The following TMEM135 variants were observed in gnomAD, a reference collection of about 807,000 sequenced individuals.
The protein encoded by TMEM135 is peroxisomal membrane protein 52.
In TMEM135, 30 loss-of-function variants were observed where a neutral mutation model predicts 60.3. The observed-to-expected ratio is 0.50, with a 90% confidence interval of 0.37 to 0.68. The LOEUF (loss-of-function observed/expected upper bound fraction) is 0.68. Ranked by LOEUF, TMEM135 falls within the 30% of genes least tolerant of loss-of-function variation. The pLI is 0.00. For missense variants in TMEM135, 468 were observed against 548.8 expected, an observed-to-expected ratio of 0.85 and a Z score of 1.47; for synonymous variants, 190 against 186.7, an observed-to-expected ratio of 1.02 and a Z score of -0.14.
Position 87,327,915 on chromosome 11 carries a change from C to T in TMEM135, c.*6582C>T, listed in dbSNP as rs1254996287. On this transcript the variant is annotated 3_prime_UTR_variant, in exon 15 of 15. Transcript: ENST00000305494. ...TCCTTTCTTCTGTTTTTATTCTACCCAGGCCTCCAGTGGATTGGAGGTGCC... is the reference window on the plus strand; with the variant it reads ...TCCTTTCTTCTGTTTTTATTCTACCTAGGCCTCCAGTGGATTGGAGGTGCC... 4.4e-6 allele frequency: 2 copies of T among 454,014 alleles called. No homozygotes were observed. The highest frequency in any genetic ancestry group is 4.7e-5 in the Admixed American group (2 of 42,554). The allele number at this position is 454,014 out of a possible 1,614,324, so 28.1% of individuals were successfully genotyped here.
chr11:87,250,077 A>G (rs966062533), intron 6 of TMEM135, among the ~76,000 whole-genome samples: 2 of 152,108 alleles, frequency 1.3e-5, no homozygotes, highest in Non-Finnish European at 2.9e-5. Flanking sequence ...AGGTATTCCA[A>G]TTTATTGGCA....
chr11:87,229,913 G>T (rs1156839715), intron 5 of TMEM135, among the ~76,000 whole-genome samples: 2 of 151,776 alleles, frequency 1.3e-5, no homozygotes, highest in African/African-American at 2.4e-5. Context: ...TACTTTTTTT[G>T]TATCAGTTTA....
chr11:87,099,682 G>GTTTTTTTTTTTTTTTTTTTTTTTGTTTT (rs57019125), intron 4 of TMEM135, among the ~76,000 whole-genome samples: 1 of 109,386 alleles, frequency 9.1e-6, no homozygotes. Context: ...TTTCATGGTG[G>GTTTTTTTTTTTTTTTTTTTTTTTGTTTT]TTTTTTTTTT....
chr11:87,043,541 T>C (rs1054885263), intron 1 of TMEM135, among the ~76,000 whole-genome samples: 3 of 151,692 alleles, frequency 2.0e-5, no homozygotes, highest in Non-Finnish European at 4.4e-5. Flanking sequence ...CTGGCCAACA[T>C]GGTGAAACCC....
chr11:87,236,194 T>C (rs1005372020), intron 5 of TMEM135, among the ~76,000 whole-genome samples: 2 of 151,916 alleles, frequency 1.3e-5, no homozygotes, highest in Non-Finnish European at 2.9e-5. Flanking sequence ...GTATTATATA[T>C]AATTATATAC....
intron 4 of TMEM135, among the ~76,000 whole-genome samples, chr11:87,101,048 A>G (rs917081436): frequency 6.6e-6 from 1 of 152,234 alleles, no homozygotes; most frequent in African/African-American, 2.4e-5. Context: ...AGTGTGTATT[A>G]GAGTGAAAAG....
chr11:87,069,050 T>A (rs1040728107), intron 2 of TMEM135, among the ~76,000 whole-genome samples: 1 of 101,274 alleles, frequency 9.9e-6, no homozygotes, highest in Non-Finnish European at 1.9e-5. Flanking sequence ...ACGCCTGTAA[T>A]CCTAGCACTT....
chr11:87,275,069 G>A (rs1941944200), intron 6 of TMEM135, among the ~76,000 whole-genome samples: 1 of 151,702 alleles, frequency 6.6e-6, no homozygotes. Context: ...ATGCCCTTGT[G>A]TTTATGTTCA....
In TMEM135 at chr11:87,247,842, C is replaced by T. The variant is rs552491875; in HGVS notation, c.509+11158C>T. On this transcript the variant is annotated intron_variant, in intron 6 of 14. Coordinates refer to ENST00000305494, the MANE Select transcript of TMEM135 (RefSeq NM_022918.4). ...CAATGCCTCGCCCTGCTTCGGCTTGCGTATGTTGCCCTGCACCCACTGTAC... is the reference window on the plus strand; with the variant it reads ...CAATGCCTCGCCCTGCTTCGGCTTGTGTATGTTGCCCTGCACCCACTGTAC... Among the ~76,000 whole-genome samples, 416 of 152,132 alleles carry T rather than the reference C, an allele frequency of 2.7e-3. 3 individuals are homozygous for T. Among genetic ancestry groups the T allele is most frequent in the African/African-American group, 9.5e-3 (394 of 41,482 alleles).
chr11:87,158,618 C>T (rs650170), intron 5 of TMEM135, among the ~76,000 whole-genome samples: 8 of 146,518 alleles, frequency 5.5e-5, no homozygotes, highest in East Asian at 2.3e-4. Context: ...CCCGCCACAA[C>T]GCCCGGCTAA....
At chr11:87,178,580 T>TA in intron 5 of TMEM135, 1 of 438,004 alleles carries the variant, frequency 2.3e-6, no homozygotes, top group South Asian at 1.6e-5. Context: ...GGTGCACCAT[T>TA]ACACCTGGCT....
chr11:87,170,869 G>A (rs1283883633), intron 5 of TMEM135, among the ~76,000 whole-genome samples: 1 of 152,168 alleles, frequency 6.6e-6, no homozygotes, highest in Non-Finnish European at 1.5e-5. Context: ...GAACGTTTAA[G>A]TTTGTGGAAG....
chr11:87,326,676 C>T lies in TMEM135; in HGVS notation c.*5343C>T. On this transcript the variant is annotated 3_prime_UTR_variant, in exon 15 of 15. Coordinates refer to ENST00000305494, the MANE Select transcript of TMEM135 (RefSeq NM_022918.4). The stretch of plus-strand genomic sequence containing the variant: ...ATATCTTTGCTATGTATTTCTTCAT[C>T]TTGAGCTCTCAAGGGAAAAAACAGG... 1 of 453,906 alleles carries T rather than the reference C, an allele frequency of 2.2e-6. No individual in the cohort carries two copies. The highest frequency in any genetic ancestry group is 1.6e-5 in the South Asian group (1 of 64,418). 28.1% of individuals were successfully genotyped at this position (453,906 alleles called of 1,614,324 possible).
chr11:87,074,111 A>G (rs1298088662), intron 3 of TMEM135, among the ~76,000 whole-genome samples: 1 of 151,846 alleles, frequency 6.6e-6, no homozygotes, highest in Non-Finnish European at 1.5e-5. Flanking sequence ...GACCACAGGC[A>G]TGAACCACCA....
At chr11:87,130,799 G>C (rs989809020) in intron 4 of TMEM135, among the ~76,000 whole-genome samples, 1 of 152,098 alleles carries the variant, frequency 6.6e-6, no homozygotes, top group Non-Finnish European at 1.5e-5. Flanking sequence ...ACTGTACCAG[G>C]CTCATTAGAT....
At chr11:87,056,022 G>A (rs187475581) in intron 1 of TMEM135, among the ~76,000 whole-genome samples, 362 of 152,268 alleles carry the variant, frequency 2.4e-3, no homozygotes, top group Non-Finnish European at 4.3e-3. Context: ...GAAGGGGAAC[G>A]CGTCCACCCT....
rs1180046943 is a variant in TMEM135 at position 87,323,462 on chromosome 11, C to G, written c.*2129C>G. 1 of 453,836 alleles carries G rather than the reference C, an allele frequency of 2.2e-6. No homozygotes were observed. Among genetic ancestry groups the G allele is most frequent in the African/African-American group, 2.0e-5 (1 of 49,970 alleles). The allele number at this position is 453,836 out of a possible 1,614,324, so 28.1% of individuals were successfully genotyped here. ...AGAATGATTACCTTTCTACCTCTAA[C>G]TAATCAGGTATTGATTGACAACTTT... is the stretch of plus-strand genomic sequence containing the variant. On this transcript the variant is annotated 3_prime_UTR_variant, in exon 15 of 15. Transcript: ENST00000305494.
At chr11:87,304,700 G>A (rs959956886) in intron 8 of TMEM135, among the ~76,000 whole-genome samples, 2 of 152,210 alleles carry the variant, frequency 1.3e-5, no homozygotes, top group Admixed American at 1.3e-4. Flanking sequence ...TAATCAATTT[G>A]CGAATGGGAT....
At chr11:87,058,416 G>C (rs1167776366) in intron 1 of TMEM135, among the ~76,000 whole-genome samples, 1 of 151,064 alleles carries the variant, frequency 6.6e-6, no homozygotes, top group Non-Finnish European at 1.5e-5. Context: ...TGCAACCTCT[G>C]TCTCCTGGGT....
Sources: allele counts gnomAD v4.1 joint callset (sites outside exome capture counted in the v4.1 genomes callset), GRCh38; gene constraint gnomAD v4.1.1; transcripts MANE v1.5; gene names NCBI Gene and HGNC (gene_info 2026-07-23, HGNC 2026-07-21).